The following CRB1 variants were observed in gnomAD, a reference collection of about 807,000 sequenced individuals.
CRB1 encodes the protein protein crumbs homolog 1.
Under a neutral mutation model 120.0 loss-of-function variants are expected in CRB1, and 83 were observed. The ratio of observed to expected loss-of-function variants is 0.69; its 90% CI spans 0.58 to 0.83. The LOEUF is 0.83. Among genes scored for constraint, CRB1 ranks in the 40% least tolerant of loss-of-function variants. The pLI is 0.00. For missense variants in CRB1, 1,699 were observed against 1,687.6 expected (o/e 1.01, Z -0.12); for synonymous variants, 625 against 612.5 (o/e 1.02, Z -0.30).
intron 9 of CRB1, among the ~76,000 whole-genome samples, chr1:197,435,907 T>A (rs1665137982): frequency 6.6e-6 from 1 of 152,132 alleles, no homozygotes; most frequent in Admixed American, 6.6e-5. Context: ...TTTCAAGGCC[T>A]CGGGAAACAA....
At chr1:197,277,838 C>T (rs3790380) in intron 1 of CRB1, among the ~76,000 whole-genome samples, 3 of 151,670 alleles carry the variant, frequency 2.0e-5, no homozygotes, top group African/African-American at 4.8e-5. Context: ...CTAATTACCA[C>T]GTTTTTTCAA....
intron 11 of CRB1, among the ~76,000 whole-genome samples, chr1:197,446,445 G>A (rs1249902857): frequency 1.3e-5 from 2 of 152,144 alleles, no homozygotes; most frequent in African/African-American, 2.4e-5. Context: ...ATATCACAGG[G>A]TGGCAGTGCT....
At chr1:197,361,647 CTT>C (rs1660774579) in intron 5 of CRB1, among the ~76,000 whole-genome samples, 1 of 151,938 alleles carries the variant, frequency 6.6e-6, no homozygotes, top group Non-Finnish European at 1.5e-5. Flanking sequence ...CCTTATTACT[CTT>C]TTAATGGCTA....
the CRB1 span, among the ~76,000 whole-genome samples, chr1:197,247,488 C>T: frequency 6.6e-6 from 1 of 151,982 alleles, no homozygotes; most frequent in Non-Finnish European, 1.5e-5. Context: ...TTCAAGGGCA[C>T]TTAGCAGCTA....
chr1:197,328,550 T>C lies in CRB1; in HGVS notation c.199T>C (p.Cys67Arg), dbSNP rs1571847873. Reference protein sequence around the residue: ...SDTANNLDKDCDNMKDPCFSN... With the variant: ...SDTANNLDKDRDNMKDPCFSN... ...CACAGCCAATAATTTGGACAAAGAC[T>C]GTGACAACATGAAAGACCCTTGCTT... Residue 67 changes from cysteine to arginine, a missense_variant, in exon 2 of 12, where the codon TGT becomes CGT. Cys to Arg is a radical substitution (Grantham distance 180, BLOSUM62 -3). Coordinates refer to ENST00000367400, the MANE Select transcript of CRB1 (RefSeq NM_201253.3). The C allele has an allele frequency of 6.2e-7, 1 of 1,614,210 alleles. No individual in the cohort carries two copies. Among genetic ancestry groups the C allele is most frequent in the Non-Finnish European group, 8.5e-7 (1 of 1,180,018 alleles).
At chr1:197,344,189 G>A (rs1212174370) in intron 2 of CRB1, 92 bp from the exon 3 acceptor site, 2 of 1,190,294 alleles carry the variant, frequency 1.7e-6, no homozygotes, top group Non-Finnish European at 2.5e-6. Context: ...CATTTGACAA[G>A]TGCTCTGGTA....
rs113946416 is a variant in CRB1, at chr1:197,427,152, T to A, written c.2129-302T>A. On this transcript the variant is annotated intron_variant, in intron 6 of 11. Transcript: ENST00000367400. The stretch of plus-strand genomic sequence containing the variant: ...TATTTTAGGGCAGCAAAGGGGAGAT[T>A]CTTTAGTTTATCAGTGCAGAGATCT... Among the ~76,000 whole-genome samples, 192 of 152,300 alleles carry A rather than the reference T, an allele frequency of 1.3e-3. 2 individuals are homozygous for A. The highest frequency in any genetic ancestry group is 4.4e-3 in the African/African-American group (185 of 41,582).
chr1:197,241,665 G>A, the CRB1 span, among the ~76,000 whole-genome samples: 1 of 151,102 alleles, frequency 6.6e-6, no homozygotes, highest in Non-Finnish European at 1.5e-5. Flanking sequence ...TTTTGCTTAG[G>A]ATTGTCTTGG....
intron 1 of CRB1, among the ~76,000 whole-genome samples, chr1:197,310,444 G>A (rs1657449074): frequency 6.6e-6 from 1 of 152,148 alleles, no homozygotes; most frequent in Admixed American, 6.5e-5. Flanking sequence ...TCAGATCCCT[G>A]CATCTGCAGA....
intron 1 of CRB1, among the ~76,000 whole-genome samples, chr1:197,274,966 A>T (rs1415210): frequency 0.35 from 52,424 of 151,776 alleles, 11,491 homozygotes; most frequent in East Asian, 0.76. Flanking sequence ...AGAAGTCTGA[A>T]ATCAAAGGTA....
chr1:197,474,651 C>A (rs1329040044), intron 11 of CRB1, among the ~76,000 whole-genome samples: 1 of 152,120 alleles, frequency 6.6e-6, no homozygotes, highest in African/African-American at 2.4e-5. Context: ...TGTAATCAAT[C>A]TCAGGCTGAA....
At chr1:197,264,160 C>A (rs1193607156), upstream of CRB1, among the ~76,000 whole-genome samples, 3 of 152,158 alleles carry the variant, frequency 2.0e-5, no homozygotes, top group Non-Finnish European at 4.4e-5. Context: ...CATCATCTAT[C>A]ATTTCACACT....
chr1:197,224,638 G>T, the CRB1 span, among the ~76,000 whole-genome samples: 1 of 151,904 alleles, frequency 6.6e-6, no homozygotes, highest in Non-Finnish European at 1.5e-5. Flanking sequence ...TTATTCTTCT[G>T]TTACCTTTTT....
chr1:197,297,859 A>G (rs1201528473), intron 1 of CRB1, among the ~76,000 whole-genome samples: 1 of 152,136 alleles, frequency 6.6e-6, no homozygotes, highest in Admixed American at 6.6e-5. Context: ...GAGATAAGAT[A>G]ATTCAAATAT....
chr1:197,342,098 T>C (rs2786106), intron 2 of CRB1, among the ~76,000 whole-genome samples: 106,163 of 152,150 alleles, frequency 0.7, 38,662 homozygotes, highest in East Asian at 0.94. Flanking sequence ...GTATGGACCA[T>C]GCTTTTGGAA....
intron 1 of CRB1, among the ~76,000 whole-genome samples, chr1:197,321,576 G>A (rs1237499875): frequency 6.6e-6 from 1 of 152,142 alleles, no homozygotes; most frequent in Non-Finnish European, 1.5e-5. Context: ...CTATTAGAAG[G>A]TGGTATTCAA....
At chr1:197,292,043 C>T (rs1309952312) in intron 1 of CRB1, among the ~76,000 whole-genome samples, 1 of 151,942 alleles carries the variant, frequency 6.6e-6, no homozygotes, top group Non-Finnish European at 1.5e-5. Flanking sequence ...CAAAAGCTAG[C>T]AGAAGGCAAG....
chr1:197,268,127 C>T, upstream of CRB1: 1 of 394,866 alleles, frequency 2.5e-6, no homozygotes, highest in Non-Finnish European at 4.8e-6. Context: ...GAAGAAAACT[C>T]GCAGCAAAGG....
intron 5 of CRB1, among the ~76,000 whole-genome samples, chr1:197,402,766 T>C (rs1428006293): frequency 6.6e-6 from 1 of 152,216 alleles, no homozygotes; most frequent in Non-Finnish European, 1.5e-5. Flanking sequence ...AACCAAGTAT[T>C]TAGCTTAATG....
Sources: allele counts gnomAD v4.1 joint callset (sites outside exome capture counted in the v4.1 genomes callset), GRCh38; gene constraint gnomAD v4.1.1; transcripts MANE v1.5; gene names NCBI Gene and HGNC (gene_info 2026-07-23, HGNC 2026-07-21).